Variants in KIAA0753 observed in about 807,000 individuals in gnomAD.
KIAA0753 encodes the protein protein moonraker.
In KIAA0753, 114 loss-of-function variants were observed where a neutral mutation model predicts 116.9. That is an observed-to-expected ratio of 0.98 (90% CI 0.84 to 1.14). The LOEUF (loss-of-function observed/expected upper bound fraction) is 1.14. KIAA0753 is among the 50% of genes most tolerant of loss of function. The pLI is 0.00. For synonymous variants in KIAA0753, 405 were observed against 413.1 expected (o/e 0.98, Z 0.24); for missense variants, 1,156 against 1,172.4 (o/e 0.99, Z 0.20).
chr17:6,624,612 C>T, intron 4 of KIAA0753, 143 bp downstream of exon 4: 1 of 587,992 alleles, frequency 1.7e-6, no homozygotes, highest in Non-Finnish European at 3.0e-6. Flanking sequence ...CCCATGTGTT[C>T]AGGTAATTGA....
chr17:6,630,596 C>T (rs1963058401), intron 2 of KIAA0753, among the ~76,000 whole-genome samples: 1 of 152,150 alleles, frequency 6.6e-6, no homozygotes, highest in South Asian at 2.1e-4. Context: ...ACCCTGTAGA[C>T]ACACCTCCAA....
intron 15 of KIAA0753, 99 bp downstream of exon 15, chr17:6,596,059 G>C: frequency 1.7e-6 from 2 of 1,183,578 alleles, no homozygotes; most frequent in South Asian, 2.9e-5. Flanking sequence ...CTGGGACTGT[G>C]TGACTCTAAC....
intron 7 of KIAA0753, among the ~76,000 whole-genome samples, chr17:6,619,301 G>A (rs1259974118): frequency 6.6e-6 from 1 of 152,116 alleles, no homozygotes; most frequent in Non-Finnish European, 1.5e-5. Context: ...ACTCAAGGGG[G>A]TAATTTCTTA....
intron 16 of KIAA0753, among the ~76,000 whole-genome samples, chr17:6,591,047 GAAGAAGAAGAA>G (rs1397829604): frequency 1.9e-3 from 184 of 99,288 alleles, no homozygotes; most frequent in Middle Eastern, 5.1e-3. Context: ...GAAGGAAGAA[GAAGAAGAAGAA>G]GAAGAAGAAG....
chr17:6,585,174 G>A (rs1968479762), intron 18 of KIAA0753, among the ~76,000 whole-genome samples: 1 of 152,178 alleles, frequency 6.6e-6, no homozygotes, highest in African/African-American at 2.4e-5. Flanking sequence ...TTTGGAAGTA[G>A]GCTCTAATAT....
chr17:6,615,751 T>A (rs1970880359), intron 7 of KIAA0753, among the ~76,000 whole-genome samples: 2 of 151,816 alleles, frequency 1.3e-5, no homozygotes, highest in African/African-American at 4.8e-5. Flanking sequence ...TAAAACAGCA[T>A]GTTTCAGGAG....
In KIAA0753 at chr17:6,589,815, G is replaced by A. The variant is rs1597465707; in HGVS notation, c.2750C>T (p.Ala917Val). ...EQYLRIISHE[A>V]VGSFNPWLIA... ...CAGCCACGGGTTGAAGGAGCCTACA[G>A]CCTCATGAGATATGATCCGAAGGTA... is the stretch of plus-strand genomic sequence containing the variant. The change falls in exon 18 of 19, where the codon GCT (alanine) becomes GTT (valine). Residue 917 changes from alanine to valine, a missense_variant. Transcript: ENST00000361413. 6.2e-7 allele frequency: 1 copy of A among 1,613,704 alleles called. No homozygotes were observed. Among genetic ancestry groups the A allele is most frequent in the Non-Finnish European group, 8.5e-7 (1 of 1,179,836 alleles).
At chr17:6,631,965 C>T (rs1342292543) in intron 2 of KIAA0753, among the ~76,000 whole-genome samples, 1 of 152,144 alleles carries the variant, frequency 6.6e-6, no homozygotes, top group African/African-American at 2.4e-5. Flanking sequence ...TCACTGCAAC[C>T]TCCGCCTCCT....
At chr17:6,621,655 C>T (rs1332477850) in intron 6 of KIAA0753, among the ~76,000 whole-genome samples, 1 of 152,164 alleles carries the variant, frequency 6.6e-6, no homozygotes, top group Non-Finnish European at 1.5e-5. Context: ...TAACACATTT[C>T]TTGCATTTTG....
rs267605022 is a variant in KIAA0753, at chr17:6,628,255, G to A, written c.580C>T (p.His194Tyr). 1.2e-6 allele frequency: 2 copies of A among 1,614,140 alleles called. No individual in the cohort carries two copies. The highest frequency in any genetic ancestry group is 1.7e-6 in the Non-Finnish European group (2 of 1,180,028). The change falls in exon 3 of 19, where the codon CAT becomes TAT. Residue 194 changes from histidine (H) to tyrosine (Y), a missense_variant. Transcript: ENST00000361413. The part of the protein sequence containing the change: ...DLTVPNSPPT[H>Y]DPGLQPHPRI... ...GGATGAGGCTGAAGTCCCGGATCAT[G>A]GGTGGGTGGCGAATTTGGCACAGTA...
intron 1 of KIAA0753, chr17:6,637,054 G>C (rs550667940): frequency 6.6e-6 from 1 of 152,542 alleles, no homozygotes; most frequent in African/African-American, 2.4e-5. Context: ...ACAGGTGTGA[G>C]ATGTCCCCAC....
rs761365661 is a variant in KIAA0753 at position 6,603,793 on chromosome 17, AAAGGACC to A, written c.2009+3073_2009+3079del. 8.5e-4 allele frequency among the ~76,000 whole-genome samples: 129 copies of A among 152,376 alleles called. 1 individual carries two copies. The highest frequency in any genetic ancestry group is 1.5e-3 in the Non-Finnish European group (105 of 68,036). ...CAAATAAAGTCTGCTCTCTCTATCA[AAAGGACC>A]AAGAAAGGGGCAGCCGAGAAAGATG... is the stretch of plus-strand genomic sequence containing the variant. On this transcript the variant is annotated intron_variant, in intron 12 of 18. Transcript: ENST00000361413.
chr17:6,637,234 G>C (rs895258720), intron 1 of KIAA0753: 1 of 152,688 alleles, frequency 6.5e-6, no homozygotes, highest in Non-Finnish European at 1.5e-5. Context: ...CGCACGCCCT[G>C]CCATGGGAGC....
In KIAA0753 at chr17:6,600,489, C is replaced by G. The variant is rs373205914; in HGVS notation, c.2010-31G>C. The stretch of plus-strand genomic sequence containing the variant: ...TAGAAATAAAATTGAAAATTAAAAT[C>G]AAAGGCAATAAAATATCCTATTTTG... On this transcript the variant is annotated intron_variant, in intron 12 of 18. Coordinates refer to ENST00000361413, the MANE Select transcript of KIAA0753 (RefSeq NM_014804.3). 30 of 1,539,188 alleles carry G rather than the reference C, an allele frequency of 1.9e-5. No homozygotes were observed. The African/African-American group carries it at 3.4e-4, about 18-fold the overall frequency.
intron 18 of KIAA0753, among the ~76,000 whole-genome samples, chr17:6,588,311 C>T (rs559139642): frequency 6.6e-6 from 1 of 152,122 alleles, no homozygotes; most frequent in African/African-American, 2.4e-5. Flanking sequence ...AGGATATGCG[C>T]CATCAAAATA....
chr17:6,628,713 G>A lies in KIAA0753; in HGVS notation c.122C>T (p.Pro41Leu), dbSNP rs1472000709. 6.2e-7 allele frequency: 1 copy of A among 1,602,506 alleles called. No individual in the cohort carries two copies. The highest frequency in any genetic ancestry group is 1.7e-5 in the Admixed American group (1 of 57,728). Residue 41 changes from proline (P) to leucine (L), a missense_variant, in exon 3 of 19, where the codon CCT (proline) becomes CTT (leucine). Transcript: ENST00000361413. Reference protein sequence around the residue: ...QNQLQFNRNVPTHSSNLAIRY... With the variant: ...QNQLQFNRNVLTHSSNLAIRY... Reference sequence around the variant, plus strand: ...GATCGCCAAGTTGCTTGAATGTGTAGGAACATTCCTATTAAACTGCAGCTG... The same window carrying A: ...GATCGCCAAGTTGCTTGAATGTGTAAGAACATTCCTATTAAACTGCAGCTG...
At chr17:6,635,283 C>T in intron 1 of KIAA0753, 112 bp from the exon 2 acceptor site, 4 of 471,926 alleles carry the variant, frequency 8.5e-6, no homozygotes, top group Admixed American at 3.3e-5. Flanking sequence ...CAATAGTAAC[C>T]TCATACTGAG....
intron 18 of KIAA0753, among the ~76,000 whole-genome samples, chr17:6,581,218 T>G (rs1203339392): frequency 1.3e-5 from 2 of 152,174 alleles, no homozygotes; most frequent in Non-Finnish European, 1.5e-5. Context: ...CTAATAGTCC[T>G]TCAGTCTTTC....
At chr17:6,629,809 G>C (rs181322376) in intron 2 of KIAA0753, among the ~76,000 whole-genome samples, 1 of 152,052 alleles carries the variant, frequency 6.6e-6, no homozygotes, top group Non-Finnish European at 1.5e-5. Context: ...GAAGTATTTC[G>C]GATTTTTAAA....
Sources: allele counts gnomAD v4.1 joint callset (sites outside exome capture counted in the v4.1 genomes callset), GRCh38; gene constraint gnomAD v4.1.1; transcripts MANE v1.5; gene names NCBI Gene and HGNC (gene_info 2026-07-23, HGNC 2026-07-21).